The following SKAP1 variants were observed in gnomAD, a reference collection of about 807,000 sequenced individuals.
SKAP1 encodes the protein src kinase-associated phosphoprotein 1.
Under a neutral mutation model 58.5 loss-of-function variants are expected in SKAP1, and 44 were observed. The observed-to-expected ratio is 0.75, with a 90% confidence interval of 0.59 to 0.97. SKAP1 has a LOEUF of 0.97. SKAP1 is among the 50% of genes least tolerant of loss of function. SKAP1 has a pLI of 0.00. For synonymous variants in SKAP1, 127 were observed against 149.7 expected, an observed-to-expected ratio of 0.85 and a Z score of 1.11; for missense variants, 390 against 435.2, an observed-to-expected ratio of 0.90 and a Z score of 0.92.
At chr17:48,163,420 T>C (rs1029786281) in intron 10 of SKAP1, among the ~76,000 whole-genome samples, 33 of 152,336 alleles carry the variant, frequency 2.2e-4, no homozygotes, top group African/African-American at 7.7e-4. Flanking sequence ...AGAATTTGTA[T>C]TGATCTTCTA....
intron 4 of SKAP1, among the ~76,000 whole-genome samples, chr17:48,328,465 C>T (rs2066465403): frequency 6.6e-6 from 1 of 151,950 alleles, no homozygotes; most frequent in African/African-American, 2.4e-5. Context: ...GCCTTATGAC[C>T]CAGGAGCTCT....
intron 4 of SKAP1, among the ~76,000 whole-genome samples, chr17:48,327,345 G>C (rs1338899392): frequency 6.6e-6 from 1 of 152,192 alleles, no homozygotes; most frequent in African/African-American, 2.4e-5. Flanking sequence ...GGAACATTCT[G>C]TCAGTTTCGC....
At chr17:48,179,677 C>A (rs1238886998) in intron 9 of SKAP1, among the ~76,000 whole-genome samples, 1 of 152,138 alleles carries the variant, frequency 6.6e-6, no homozygotes, top group South Asian at 2.1e-4. Context: ...AATTTTGAAG[C>A]GATTTTCCAT....
chr17:48,399,621 G>A (rs1035873501), intron 1 of SKAP1, among the ~76,000 whole-genome samples: 1 of 151,966 alleles, frequency 6.6e-6, no homozygotes, highest in Non-Finnish European at 1.5e-5. Flanking sequence ...TAAAAAATTG[G>A]CTGGGCATTG....
intron 2 of SKAP1, among the ~76,000 whole-genome samples, chr17:48,386,431 G>A (rs980900699): frequency 2.0e-5 from 3 of 150,912 alleles, no homozygotes; most frequent in South Asian, 2.1e-4. Context: ...TGTGAAAACC[G>A]TGCTTCTCAA....
chr17:48,384,753 A>C lies in SKAP1; in HGVS notation c.152+11927T>G, dbSNP rs117435082. Among the ~76,000 whole-genome samples the C allele has an allele frequency of 6.6e-3, 1,004 of 152,306 alleles. 65 individuals are homozygous for C. In the East Asian group the frequency reaches 0.15, roughly 22 times the overall value. On this transcript the variant is annotated intron_variant, in intron 2 of 12. Transcript: ENST00000336915. ...AAGGAAGAAGGGATGGTGGCTGCTG[A>C]GTAGGCATCCAGCAGGGTATGCCCA...
At chr17:48,284,425 A>C (rs751153095) in intron 4 of SKAP1, among the ~76,000 whole-genome samples, 7 of 152,146 alleles carry the variant, frequency 4.6e-5, no homozygotes, top group African/African-American at 7.2e-5. Flanking sequence ...ACAAAATGTC[A>C]TTCTTTTCAA....
At chr17:48,399,882 C>T (rs1160961373) in intron 1 of SKAP1, among the ~76,000 whole-genome samples, 1 of 151,956 alleles carries the variant, frequency 6.6e-6, no homozygotes, top group Non-Finnish European at 1.5e-5. Flanking sequence ...GAACATTGTA[C>T]AGGTGATGCC....
chr17:48,367,549 TGG>T (rs2067022532), intron 2 of SKAP1, among the ~76,000 whole-genome samples: 2 of 141,272 alleles, frequency 1.4e-5, no homozygotes, highest in Non-Finnish European at 3.1e-5. Context: ...TATATATATA[TGG>T]ATATATATCC....
chr17:48,290,268 G>C (rs2065883766), intron 4 of SKAP1, among the ~76,000 whole-genome samples: 1 of 152,134 alleles, frequency 6.6e-6, no homozygotes, highest in Non-Finnish European at 1.5e-5. Flanking sequence ...ACTAAAGATG[G>C]TATGTTTTTT....
chr17:48,437,324 C>A, the SKAP1 span, among the ~76,000 whole-genome samples: 2 of 152,216 alleles, frequency 1.3e-5, no homozygotes, highest in Non-Finnish European at 2.9e-5. Context: ...TGTTCTAAGA[C>A]TCTGGGCAAA....
chr17:48,145,050 A>T lies in SKAP1; in HGVS notation c.979-7713T>A, dbSNP rs182553131. On this transcript the variant is annotated intron_variant, in intron 11 of 12. Coordinates refer to ENST00000336915, the MANE Select transcript of SKAP1 (RefSeq NM_003726.4). ...TTAGATAAGAATATAAAAAGTTATT[A>T]AAAAAAAACCCACAAACCTTTCCAT... Among the ~76,000 whole-genome samples, 408 of 151,574 alleles carry T rather than the reference A, an allele frequency of 2.7e-3. 1 individual carries two copies. Among genetic ancestry groups the T allele is most frequent in the African/African-American group, 8.9e-3 (367 of 41,250 alleles).
chr17:48,321,049 G>A (rs2144221585), intron 4 of SKAP1, among the ~76,000 whole-genome samples: 1 of 152,276 alleles, frequency 6.6e-6, no homozygotes, highest in African/African-American at 2.4e-5. Flanking sequence ...TTTAGAGGAT[G>A]TGATACTAAT....
chr17:48,373,705 T>C (rs1337208691), intron 2 of SKAP1, among the ~76,000 whole-genome samples: 4 of 152,150 alleles, frequency 2.6e-5, no homozygotes, highest in African/African-American at 4.8e-5. Context: ...ACTTGTTTTC[T>C]TTTCTCTTGG....
At chr17:48,137,074 G>A in intron 12 of SKAP1, 155 bp downstream of exon 12, 1 of 546,148 alleles carries the variant, frequency 1.8e-6, no homozygotes, top group Non-Finnish European at 3.3e-6. Context: ...CAATTCCAGA[G>A]GCATTTTCTT....
In SKAP1 at chr17:48,180,085, T is replaced by G; in HGVS notation, c.795A>C (p.Lys265Asn). ...AGACTTCATAAATATCTTCTTCTTC[T>G]TTCTCCTCTGTAGGCTCTTTTATCC... ...SVGIKEPTEEKEEEDIYEVLP... is the reference protein window; with the variant it reads ...SVGIKEPTEENEEEDIYEVLP... Residue 265 changes from lysine to asparagine, a missense_variant, in exon 9 of 13, where the codon AAA becomes AAC. By Grantham distance (94) the Lys-to-Asn change is moderately conservative (BLOSUM62 0). Transcript: ENST00000336915. 6.3e-7 allele frequency: 1 copy of G among 1,599,466 alleles called. No homozygotes were observed. Among genetic ancestry groups the G allele is most frequent in the Admixed American group, 1.8e-5 (1 of 56,460 alleles).
At chr17:48,280,295 C>T (rs907884430) in intron 4 of SKAP1, among the ~76,000 whole-genome samples, 7 of 151,934 alleles carry the variant, frequency 4.6e-5, no homozygotes, top group Non-Finnish European at 8.8e-5. Context: ...CATGGTGAAA[C>T]GCCGTCTCTA....
chr17:48,350,216 TA>T (rs143328356), intron 3 of SKAP1, among the ~76,000 whole-genome samples: 1 of 152,048 alleles, frequency 6.6e-6, no homozygotes, highest in African/African-American at 2.4e-5. Flanking sequence ...GTTTAAGCAT[TA>T]AAAAAAGTGA....
At chr17:48,359,375 A>G (rs1416481677) in intron 3 of SKAP1, among the ~76,000 whole-genome samples, 1 of 152,210 alleles carries the variant, frequency 6.6e-6, no homozygotes, top group East Asian at 1.9e-4. Flanking sequence ...TACCACTGCT[A>G]CACCTAAAAA....
Sources: gnomAD v4.1 joint callset for allele counts (sites outside exome capture counted in the v4.1 genomes callset) on GRCh38, gnomAD v4.1.1 for gene constraint, MANE v1.5 for transcripts, NCBI Gene and HGNC (gene_info 2026-07-23, HGNC 2026-07-21) for gene names.